The following TRIM28 variants were observed in gnomAD, a reference collection of about 807,000 sequenced individuals.
The protein encoded by TRIM28 is tripartite motif containing 28, also known as transcription intermediary factor 1-beta.
A neutral mutation model predicts 87.4 loss-of-function variants in TRIM28; 8 were observed. The ratio of observed to expected loss-of-function variants is 0.09; its 90% confidence interval spans 0.05 to 0.17. The LOEUF is 0.17. Among genes scored for constraint, TRIM28 ranks in the 10% least tolerant of loss-of-function variants. The probability of loss-of-function intolerance (pLI) is 1.00; values close to 1 mark genes in which losing one functional copy is unlikely to be tolerated. For missense variants in TRIM28, 968 were observed against 1,131.8 expected, an observed-to-expected ratio of 0.86 and a Z score of 2.08; for synonymous variants, 601 against 454.3, an observed-to-expected ratio of 1.32 and a Z score of -4.11.
At position 58,545,106 on chromosome 19, in the gene TRIM28, G is replaced by A. The variant is rs1300470739; in HGVS notation, c.340+9G>A. On this transcript the variant is annotated intron_variant, in intron 1 of 16. Transcript: ENST00000253024. ...GGCGGGCGACGGCACCGGTAAGTAC[G>A]AAGTGATCGGTGCCACCCCTCCCCC... 7.1e-7 allele frequency: 1 copy of A among 1,410,784 alleles called. No homozygotes were observed. Among genetic ancestry groups the A allele is most frequent in the Non-Finnish European group, 9.1e-7 (1 of 1,092,996 alleles). 87.4% of individuals were successfully genotyped at this position (1,410,784 alleles called of 1,614,324 possible). A position where few individuals can be genotyped will look rare whatever the true frequency, so the allele number is the denominator to read the frequency against.
intron 3 of TRIM28, 117 bp downstream of exon 3, chr19:58,546,013 C>G: frequency 7.7e-7 from 1 of 1,296,046 alleles, no homozygotes; most frequent in Non-Finnish European, 1.0e-6. Flanking sequence ...GGGTGCCGCC[C>G]GAAGGGCCCG....
At chr19:58,545,996 C>G in intron 3 of TRIM28, 100 bp downstream of exon 3, 1 of 1,421,486 alleles carries the variant, frequency 7.0e-7, no homozygotes, top group Non-Finnish European at 9.3e-7. Flanking sequence ...TCCTAGAGTT[C>G]TCTAGGGGGT....
At position 58,544,765 on chromosome 19, in the gene TRIM28, C is replaced by T. The variant is rs2053744509; in HGVS notation, c.8C>T (p.Ala3Val). 2 of 1,132,196 alleles carry T rather than the reference C, an allele frequency of 1.8e-6. No individual in the cohort carries two copies. The highest frequency in any genetic ancestry group is 2.2e-6 in the Non-Finnish European group (2 of 926,228). 70.1% of individuals were successfully genotyped at this position (1,132,196 alleles called of 1,614,324 possible). Residue 3 changes from alanine (A) to valine (V), a missense_variant, in exon 1 of 17, where the codon GCC (alanine) becomes GTC (valine). Ala to Val is a moderately conservative substitution (Grantham distance 64). Transcript: ENST00000253024. ...GCCCCCGGCGGCGTGTGAATGGCGGCCTCCGCGGCGGCAGCCTCGGCAGCA... is the reference window on the plus strand; with the variant it reads ...GCCCCCGGCGGCGTGTGAATGGCGGTCTCCGCGGCGGCAGCCTCGGCAGCA... MA[A>V]SAAAASAAAA...
intron 3 of TRIM28, among the ~76,000 whole-genome samples, chr19:58,546,291 C>CTT (rs112327219): frequency 0.011 from 1,705 of 152,230 alleles, 33 homozygotes; most frequent in African/African-American, 0.038. Context: ...GGAAAGTAGA[C>CTT]TGTGGGTCCA....
At position 58,549,423 on chromosome 19, in the gene TRIM28, T is replaced by C; in HGVS notation, c.1755T>C (p.Pro585=). Residue 585 remains proline, a synonymous_variant, in exon 13 of 17, where the codon CCT becomes CCC. Transcript: ENST00000253024. This position sits in a 1 kb window ranked among gnomAD's most constrained non-coding sequence, Gnocchi z 4.4. ...KPVLMALAEG[P]GAEGPRLASP... ...TGCTTATGGCTCTTGCGGAGGGTCC[T>C]GGTGCTGAGGGTCCCCGCCTGGCCT... is the stretch of plus-strand genomic sequence containing the variant. 1 of 1,605,094 alleles carries C rather than the reference T, an allele frequency of 6.2e-7. No homozygotes were observed. The highest frequency in any genetic ancestry group is 1.1e-5 in the South Asian group (1 of 90,674).
chr19:58,550,430 C>T lies in TRIM28; in HGVS notation c.2385C>T (p.Arg795=), dbSNP rs776135251. ...GCCTGCAGCGCTTCTTCGAGACGCG[C>T]ATGAACGAGGCCTTCGGTGACACCA... ...IIGLQRFFET[R]MNEAFGDTKF... The change falls in exon 17 of 17, where the codon CGC becomes CGT. Residue 795 remains arginine, a synonymous_variant. Transcript: ENST00000253024. The T allele has an allele frequency of 5.8e-5, 94 of 1,613,728 alleles. No individual in the cohort carries two copies. The highest frequency in any genetic ancestry group is 7.9e-5 in the Non-Finnish European group (93 of 1,180,026).
In TRIM28 at chr19:58,544,537, G is replaced by T. The variant is rs2053741458; in HGVS notation, c.-221G>T. 1 of 153,630 alleles carries T rather than the reference G, an allele frequency of 6.5e-6. No homozygotes were observed. Among genetic ancestry groups the T allele is most frequent in the Non-Finnish European group, 1.5e-5 (1 of 68,892 alleles). 9.5% of individuals were successfully genotyped at this position (153,630 alleles called of 1,614,324 possible). On this transcript the variant is annotated 5_prime_UTR_variant, in exon 1 of 17. Transcript: ENST00000253024. ...GCGGGTTTCGGCGGCGGCTGAGGAA[G>T]AAGCGCGGGCGGCGCCTTCGGGAGG... is the stretch of plus-strand genomic sequence containing the variant.
At position 58,545,904 on chromosome 19, in the gene TRIM28, A is replaced by C; in HGVS notation, c.586+8A>C. On this transcript the variant is annotated splice_region_variant and intron_variant, in intron 3 of 16. Transcript: ENST00000253024. ...ATACTGTGCGCTCTACTGGTACATG[A>C]GGCTGAGGGGGGCTGTTGGAGTTGT... is the stretch of plus-strand genomic sequence containing the variant. 6.3e-7 allele frequency: 1 copy of C among 1,581,284 alleles called. No individual in the cohort carries two copies. The highest frequency in any genetic ancestry group is 8.7e-7 in the Non-Finnish European group (1 of 1,155,996).
chr19:58,549,579 G>A lies in TRIM28; in HGVS notation c.1911G>A (p.Leu637=). The change falls in exon 13 of 17, where the codon CTG becomes CTA. Residue 637 remains leucine, a synonymous_variant. Coordinates refer to ENST00000253024, the MANE Select transcript of TRIM28 (RefSeq NM_005762.3). The surrounding 1 kb of genome is among the most constrained non-coding windows in gnomAD (Gnocchi z 4.4). The stretch of plus-strand genomic sequence containing the variant: ...GTGTCTGCCAGAAGCCAGGCGATCT[G>A]GTTATGTGCAACCAGTGTGAGTTTT... ...ICRVCQKPGD[L]VMCNQCEFCF... is the part of the protein sequence containing the mutation. 1 of 1,614,158 alleles carries A rather than the reference G, an allele frequency of 6.2e-7. No homozygotes were observed. The highest frequency in any genetic ancestry group is 8.5e-7 in the Non-Finnish European group (1 of 1,180,008).
intron 3 of TRIM28, 150 bp from the exon 4 acceptor site, chr19:58,547,226 C>T: frequency 1.0e-6 from 1 of 955,124 alleles, no homozygotes; most frequent in Non-Finnish European, 1.5e-6. Context: ...GCTTGCAGGC[C>T]TGTGTTCTTC....
rs1338249491 is a variant in TRIM28 at position 58,549,926 on chromosome 19, G to C, written c.2107-23G>C. 6.2e-7 allele frequency: 1 copy of C among 1,613,880 alleles called. No homozygotes were observed. Among genetic ancestry groups the C allele is most frequent in the Non-Finnish European group, 8.5e-7 (1 of 1,179,972 alleles). On this transcript the variant is annotated intron_variant, in intron 14 of 16. Coordinates refer to ENST00000253024, the MANE Select transcript of TRIM28 (RefSeq NM_005762.3). This position sits in a 1 kb window ranked among gnomAD's most constrained non-coding sequence, Gnocchi z 4.4. The stretch of plus-strand genomic sequence containing the variant: ...CTTTATAGGTGCTGCCCAGAGCTGT[G>C]ACATCCCTTACAATGTTTGTAGAAA...
chr19:58,548,166 C>G lies in TRIM28; in HGVS notation c.1087C>G (p.Leu363Val). ...LESDNNTALL[L>V]SKKLIYFQLH... ...GAGTGACAACAACACAGCCCTTTTG[C>G]TTTCTAAGAAGTTGGTGTGTACTGG... The change falls in exon 7 of 17, where the codon CTT becomes GTT. Residue 363 changes from leucine to valine, a missense_variant. Physicochemically the swap from Leu to Val is conservative, Grantham distance 32 (BLOSUM62 1). Around this residue, in one of 11 missense-constraint regions of TRIM28, gnomAD observed 84 missense variants for 139.9 expected, o/e 0.60. Transcript: ENST00000253024. 3 of 1,614,200 alleles carry G rather than the reference C, an allele frequency of 1.9e-6. No homozygotes were observed. Among genetic ancestry groups the G allele is most frequent in the Admixed American group, 1.7e-5 (1 of 60,024 alleles).
Position 58,548,994 on chromosome 19 carries a change from C to G in TRIM28, c.1416C>G (p.Arg472=). Reference sequence around the variant, plus strand: ...CAGGTTGCTGCATCTACAGGTCCCGCTCAGGTGAGGGCGAGGTGAGCGGCC... The same window carrying G: ...CAGGTTGCTGCATCTACAGGTCCCGGTCAGGTGAGGGCGAGGTGAGCGGCC... ...EPHVSGVKRS[R]SGEGEVSGLM... The change falls in exon 12 of 17, where the codon CGC becomes CGG. Residue 472 remains arginine (R), a synonymous_variant. Coordinates refer to ENST00000253024, the MANE Select transcript of TRIM28 (RefSeq NM_005762.3). The G allele has an allele frequency of 6.2e-7, 1 of 1,614,060 alleles. No individual in the cohort carries two copies. The highest frequency in any genetic ancestry group is 8.5e-7 in the Non-Finnish European group (1 of 1,179,982).
In TRIM28 at chr19:58,544,680, TGGC is replaced by T. The variant is rs1356822763; in HGVS notation, c.-73_-71del. ...GCGGCGGCGGCAGCGGCCCAGCAGT[TGGC>T]GGCGAGCGCGTCTGCGCCTGCGCGG... On this transcript the variant is annotated 5_prime_UTR_variant, in exon 1 of 17. Coordinates refer to ENST00000253024, the MANE Select transcript of TRIM28 (RefSeq NM_005762.3). 3.3e-6 allele frequency: 2 copies of T among 605,870 alleles called. No individual in the cohort carries two copies. Among genetic ancestry groups the T allele is most frequent in the African/African-American group, 2.1e-5 (1 of 48,536 alleles). The allele number at this position is 605,870 out of a possible 1,614,324, so 37.5% of individuals were successfully genotyped here. A position where few individuals can be genotyped will look rare whatever the true frequency, so the allele number is the denominator to read the frequency against.
Position 58,550,557 on chromosome 19 carries a change from T to C in TRIM28, c.*4T>C, listed in dbSNP as rs1471338526. 1.2e-6 allele frequency: 2 copies of C among 1,604,102 alleles called. No homozygotes were observed. Among genetic ancestry groups the C allele is most frequent in the African/African-American group, 2.7e-5 (2 of 74,846 alleles). ...TGGCCCTGGTGATGGCCCCTGAGGC[T>C]GGAGCCCCCATGGCCAGCCCAGCCT... On this transcript the variant is annotated 3_prime_UTR_variant, in exon 17 of 17. Coordinates refer to ENST00000253024, the MANE Select transcript of TRIM28 (RefSeq NM_005762.3).
rs760820761 is a variant in TRIM28, at chr19:58,549,160, G to T, written c.1582G>T (p.Ala528Ser). ...NLIVIERGAA[A>S]AATGQPGTAP... is the part of the protein sequence containing the mutation. ...TATTGTTATTGAACGTGGCGCTGCC[G>T]CTGCAGCTACCGGCCAGCCAGGGAC... Residue 528 changes from alanine (A) to serine (S), a missense_variant, in exon 12 of 17, where the codon GCT becomes TCT. Transcript: ENST00000253024. This position sits in a 1 kb window ranked among gnomAD's most constrained non-coding sequence, Gnocchi z 4.4. The T allele has an allele frequency of 6.2e-7, 1 of 1,614,096 alleles. No individual in the cohort carries two copies. The highest frequency in any genetic ancestry group is 1.3e-5 in the African/African-American group (1 of 75,054).
At chr19:58,545,278 A>C in intron 1 of TRIM28, 147 bp from the exon 2 acceptor site, 1 of 896,270 alleles carries the variant, frequency 1.1e-6, no homozygotes, top group Non-Finnish European at 1.7e-6. Flanking sequence ...GGGACATCTG[A>C]CTAAAGTTGG....
At chr19:58,546,616 C>T (rs887348596) in intron 3 of TRIM28, among the ~76,000 whole-genome samples, 7 of 152,158 alleles carry the variant, frequency 4.6e-5, no homozygotes, top group Non-Finnish European at 8.8e-5. Flanking sequence ...ACATTCCAGA[C>T]GTCCCAGGCA....
rs780159533 is a variant in TRIM28, at chr19:58,549,473, G to GT, written c.1805_1806insT (p.Leu603AlafsTer7). Reference sequence around the variant, plus strand: ...TCACCTAGTGGCAGCACCAGCTCAGGGCTGGAGGTGGTGGCTCCTGAGGGT... The same window carrying GT: ...TCACCTAGTGGCAGCACCAGCTCAGGTGCTGGAGGTGGTGGCTCCTGAGGGT... On this transcript the variant is annotated frameshift_variant, in exon 13 of 17. Transcript: ENST00000253024. LOFTEE classifies it high-confidence loss of function. This position sits in a 1 kb window ranked among gnomAD's most constrained non-coding sequence, Gnocchi z 4.4. The GT allele has an allele frequency of 6.2e-7, 1 of 1,613,568 alleles. No homozygotes were observed. The highest frequency in any genetic ancestry group is 2.2e-5 in the East Asian group (1 of 44,882).
Sources: gnomAD v4.1 joint callset for allele counts (sites outside exome capture counted in the v4.1 genomes callset) on GRCh38, gnomAD v4.1.1 for gene constraint, gnomAD v4.1.1 regional missense constraint, Gnocchi (gnomAD v3.1) non-coding constraint, MANE v1.5 for transcripts, NCBI Gene and HGNC (gene_info 2026-07-23, HGNC 2026-07-21) for gene names.